Variants in RBMS1 observed in about 807,000 individuals in gnomAD.
The protein encoded by RBMS1 is RNA-binding motif, single-stranded-interacting protein 1.
RBMS1 carries 17 observed loss-of-function variants against 62.3 expected under a neutral mutation model. The observed-to-expected ratio is 0.27, with a 90% CI of 0.19 to 0.41. The LOEUF (loss-of-function observed/expected upper bound fraction) is 0.41, where lower values mean the gene tolerates loss of function less well. RBMS1 is among the 10% of genes least tolerant of loss of function. The pLI is 1.00. For synonymous variants in RBMS1, 172 were observed against 170.0 expected (o/e 1.01, Z -0.09); for missense variants, 334 against 504.5 (o/e 0.66, Z 3.24).
intron 1 of RBMS1, among the ~76,000 whole-genome samples, chr2:160,457,953 T>TTTGTTGTTGTTG (rs60006211): frequency 7.1e-4 from 107 of 150,446 alleles, no homozygotes; most frequent in Admixed American, 1.3e-3. Flanking sequence ...TATTGGTTTG[T>TTTGTTGTTGTTG]TTGTTGTTGT....
At chr2:160,361,724 G>A (rs1693140672) in intron 2 of RBMS1, among the ~76,000 whole-genome samples, 1 of 152,192 alleles carries the variant, frequency 6.6e-6, no homozygotes, top group African/African-American at 2.4e-5. Flanking sequence ...AGAAGGCTGA[G>A]GCAGAATCAC....
In RBMS1 at chr2:160,334,394, C is replaced by T. The variant is rs139078854; in HGVS notation, c.252-16167G>A. Among the ~76,000 whole-genome samples, 7 of 152,306 alleles carry T rather than the reference C, an allele frequency of 4.6e-5. No homozygotes were observed. The East Asian group carries it at 1.3e-3, about 29-fold the overall frequency. On this transcript the variant is annotated intron_variant, in intron 2 of 13. Transcript: ENST00000348849. ...TTTAAAAGTACTGTCACATTTGACA[C>T]ATTATCTCATCCAAGCCTGCGGCAA...
intron 1 of RBMS1, among the ~76,000 whole-genome samples, chr2:160,424,944 A>G (rs1413931589): frequency 6.6e-6 from 1 of 152,160 alleles, no homozygotes; most frequent in Non-Finnish European, 1.5e-5. Context: ...TCAGGAATTG[A>G]TCATCTATTC....
intron 2 of RBMS1, among the ~76,000 whole-genome samples, chr2:160,335,161 C>T (rs1691498470): frequency 6.6e-6 from 1 of 152,024 alleles, no homozygotes; most frequent in African/African-American, 2.4e-5. Context: ...GACCTATCCA[C>T]CACTTGAAAA....
rs766048486 is a variant in RBMS1, at chr2:160,313,194, C to A, written c.364G>T (p.Ala122Ser). The change falls in exon 4 of 14, where the codon GCC (alanine) becomes TCC (serine). Residue 122 changes from alanine to serine, a missense_variant. By Grantham distance (99) the Ala-to-Ser change is moderately conservative. Transcript: ENST00000348849. ...GCTTGAACCCCACTGGCCTTCAGGG[C>A]AGACACAGCTTTTTGAGCTGCTGCA... ...SPAAAQKAVSALKASGVQAQM... is the reference protein window; with the variant it reads ...SPAAAQKAVSSLKASGVQAQM... 1.2e-6 allele frequency: 2 copies of A among 1,613,580 alleles called. No homozygotes were observed. Among genetic ancestry groups the A allele is most frequent in the South Asian group, 2.2e-5 (2 of 91,058 alleles).
At position 160,281,320 on chromosome 2, in the gene RBMS1, C is replaced by T; in HGVS notation, c.945G>A (p.Gln315=). 6.2e-7 allele frequency: 1 copy of T among 1,606,014 alleles called. No homozygotes were observed. Among genetic ancestry groups the T allele is most frequent in the Non-Finnish European group, 8.5e-7 (1 of 1,175,102 alleles). Residue 315 remains glutamine (Q), a synonymous_variant, in exon 10 of 14, where the codon CAG becomes CAA. Transcript: ENST00000348849. Reference sequence around the variant, plus strand: ...ATTAAGATAAAAAACTTACAGGGTGCTGTAGAATATATGGTTGAGGTTGCA... The same window carrying T: ...ATTAAGATAAAAAACTTACAGGGTGTTGTAGAATATATGGTTGAGGTTGCA... ...SWMQPQPYIL[Q]HPGAVLTPSM... is the part of the protein sequence containing the mutation.
intron 4 of RBMS1, among the ~76,000 whole-genome samples, chr2:160,311,251 T>TATATAG (rs1559361747): frequency 1.4e-5 from 2 of 142,268 alleles, no homozygotes; most frequent in East Asian, 4.0e-4. Flanking sequence ...TATATATATA[T>TATATAG]ATATATAGTC....
At chr2:160,444,288 C>T (rs1467723416) in intron 1 of RBMS1, among the ~76,000 whole-genome samples, 2 of 152,158 alleles carry the variant, frequency 1.3e-5, no homozygotes, top group Non-Finnish European at 2.9e-5. Flanking sequence ...TCAAAGCATA[C>T]TCTGAATCCT....
At chr2:160,314,135 G>C (rs763681160) in intron 3 of RBMS1, among the ~76,000 whole-genome samples, 1 of 152,112 alleles carries the variant, frequency 6.6e-6, no homozygotes, top group Non-Finnish European at 1.5e-5. Flanking sequence ...AGCAATAAAA[G>C]AGAAAAACTA....
At chr2:160,484,720 A>G (rs1685522226) in intron 1 of RBMS1, among the ~76,000 whole-genome samples, 1 of 149,836 alleles carries the variant, frequency 6.7e-6, no homozygotes, top group Non-Finnish European at 1.5e-5. Context: ...AAATACAAAA[A>G]ATTAGCCGGG....
At chr2:160,473,032 T>G (rs906460721) in intron 1 of RBMS1, among the ~76,000 whole-genome samples, 1 of 152,248 alleles carries the variant, frequency 6.6e-6, no homozygotes. Flanking sequence ...CCAAACCTTA[T>G]TGTAAACATT....
At chr2:160,427,285 T>C (rs1682679114) in intron 1 of RBMS1, among the ~76,000 whole-genome samples, 1 of 152,174 alleles carries the variant, frequency 6.6e-6, no homozygotes, top group African/African-American at 2.4e-5. Flanking sequence ...CTAAGAGATA[T>C]TTTTTAAATC....
chr2:160,368,733 G>A (rs1385445286), intron 1 of RBMS1, among the ~76,000 whole-genome samples: 1 of 152,072 alleles, frequency 6.6e-6, no homozygotes, highest in Non-Finnish European at 1.5e-5. Context: ...TCCACCTCCC[G>A]GTTTCCAGTG....
chr2:160,456,341 A>C (rs1480052670), intron 1 of RBMS1, among the ~76,000 whole-genome samples: 1 of 152,232 alleles, frequency 6.6e-6, no homozygotes, highest in African/African-American at 2.4e-5. Context: ...TTGCTGTTCA[A>C]TCCAATGTCA....
intron 1 of RBMS1, among the ~76,000 whole-genome samples, chr2:160,486,005 G>A (rs1372422106): frequency 6.6e-6 from 1 of 152,082 alleles, no homozygotes; most frequent in Non-Finnish European, 1.5e-5. Context: ...AGGTAAAGTT[G>A]ACGATATTAC....
intron 1 of RBMS1, among the ~76,000 whole-genome samples, chr2:160,469,891 A>C (rs2105342864): frequency 6.6e-6 from 1 of 152,260 alleles, no homozygotes; most frequent in East Asian, 1.9e-4. Flanking sequence ...AGGGGCTAGA[A>C]ATTTCTGAAA....
chr2:160,313,051 A>C, intron 4 of RBMS1, 105 bp downstream of exon 4: 2 of 1,056,594 alleles, frequency 1.9e-6, no homozygotes, highest in Non-Finnish European at 2.8e-6. Flanking sequence ...CGCTGTGCTG[A>C]GTGGGATGAA....
At chr2:160,339,933 G>C in intron 2 of RBMS1, among the ~76,000 whole-genome samples, 1 of 152,056 alleles carries the variant, frequency 6.6e-6, no homozygotes, top group African/African-American at 2.4e-5. Flanking sequence ...TACTGTTCAG[G>C]TTCTGATGTC....
intron 1 of RBMS1, among the ~76,000 whole-genome samples, chr2:160,375,264 T>C (rs530704107): frequency 3.9e-5 from 6 of 152,326 alleles, no homozygotes; most frequent in African/African-American, 1.4e-4. Context: ...TTCTGTGACA[T>C]CGTGCAACTT....
Sources: allele counts gnomAD v4.1 joint callset (sites outside exome capture counted in the v4.1 genomes callset), GRCh38; gene constraint gnomAD v4.1.1; transcripts MANE v1.5; gene names NCBI Gene and HGNC (gene_info 2026-07-23, HGNC 2026-07-21).